The following SCLT1 variants were observed in gnomAD, a reference collection of about 807,000 sequenced individuals.
SCLT1 encodes sodium channel-associated protein 1.
In SCLT1, 78 loss-of-function variants were observed where a neutral mutation model predicts 112.8. That is an observed-to-expected ratio of 0.69 (90% confidence interval 0.58 to 0.83). SCLT1 has a LOEUF of 0.83. Among genes scored for constraint, SCLT1 ranks in the 40% least tolerant of loss-of-function variants. The pLI is 0.00. For synonymous variants in SCLT1, 257 were observed against 254.7 expected, an observed-to-expected ratio of 1.01 and a Z score of -0.09; for missense variants, 747 against 770.4, an observed-to-expected ratio of 0.97 and a Z score of 0.36.
At position 129,025,463 on chromosome 4, in the gene SCLT1, A is replaced by C. The variant is rs1342268616; in HGVS notation, c.290+13578T>G. The stretch of plus-strand genomic sequence containing the variant: ...CCAGCCAAACTAAGCTTCATAAGTG[A>C]AGGAGAAATAAAATCCTTTACAGAA... On this transcript the variant is annotated intron_variant, in intron 5 of 20. Transcript: ENST00000281142. 9.8e-5 allele frequency among the ~76,000 whole-genome samples: 15 copies of C among 152,298 alleles called. No individual in the cohort carries two copies. The East Asian group carries it at 2.9e-3, about 29-fold the overall frequency.
At chr4:129,063,802 T>C (rs571828795) in intron 2 of SCLT1, among the ~76,000 whole-genome samples, 6 of 152,300 alleles carry the variant, frequency 3.9e-5, no homozygotes, top group African/African-American at 1.4e-4. Context: ...GCCAGGCTGA[T>C]CCCATTATTC....
chr4:129,053,427 T>C (rs1208621665), intron 2 of SCLT1, among the ~76,000 whole-genome samples: 1 of 152,120 alleles, frequency 6.6e-6, no homozygotes, highest in Non-Finnish European at 1.5e-5. Context: ...ATTGGGTGTA[T>C]ATATATTTAG....
intron 8 of SCLT1, among the ~76,000 whole-genome samples, chr4:128,996,925 T>C (rs908717117): frequency 6.6e-6 from 1 of 152,006 alleles, no homozygotes; most frequent in African/African-American, 2.4e-5. Flanking sequence ...CTAGGAGACA[T>C]ATTGAAGAAG....
chr4:129,013,795 C>G (rs914596861), intron 5 of SCLT1, among the ~76,000 whole-genome samples: 1 of 152,124 alleles, frequency 6.6e-6, no homozygotes, highest in Admixed American at 6.5e-5. Flanking sequence ...TGCGGATGAT[C>G]TTCTTCTAAC....
intron 12 of SCLT1, among the ~76,000 whole-genome samples, chr4:128,958,332 G>T (rs577948418): frequency 1.3e-5 from 2 of 152,238 alleles, no homozygotes; most frequent in South Asian, 4.1e-4. Context: ...ACTATGCTAG[G>T]CTGTACTTCC....
At chr4:128,888,658 G>C (rs746284707) in intron 20 of SCLT1, 21 bp downstream of exon 20, 1 of 1,425,930 alleles carries the variant, frequency 7.0e-7, no homozygotes, top group Non-Finnish European at 9.9e-7. Flanking sequence ...TATTATCTAG[G>C]GATAAGAGGA....
At chr4:128,897,801 AG>A (rs1560814821) in intron 18 of SCLT1, among the ~76,000 whole-genome samples, 2 of 152,200 alleles carry the variant, frequency 1.3e-5, no homozygotes, top group African/African-American at 4.8e-5. Context: ...AGACACACAT[AG>A]GCTCAAAATA....
chr4:128,957,876 AC>A (rs1011645699), intron 12 of SCLT1, among the ~76,000 whole-genome samples: 1 of 152,084 alleles, frequency 6.6e-6, no homozygotes, highest in Non-Finnish European at 1.5e-5. Flanking sequence ...CACATCACAC[AC>A]AGTACCGGTT....
chr4:129,053,324 T>C (rs1413032672), intron 2 of SCLT1, among the ~76,000 whole-genome samples: 3 of 152,038 alleles, frequency 2.0e-5, no homozygotes, highest in Admixed American at 2.0e-4. Context: ...ATATTGACAG[T>C]GGGGTGTTAA....
At chr4:129,068,380 T>A (rs1328206632) in intron 2 of SCLT1, among the ~76,000 whole-genome samples, 1 of 152,160 alleles carries the variant, frequency 6.6e-6, no homozygotes, top group East Asian at 1.9e-4. Flanking sequence ...CACGCCAACA[T>A]CTACTGTTTT....
Position 128,970,404 on chromosome 4 carries a change from C to A in SCLT1, c.751G>T (p.Asp251Tyr). The A allele has an allele frequency of 6.2e-7, 1 of 1,602,566 alleles. No homozygotes were observed. The highest frequency in any genetic ancestry group is 8.5e-7 in the Non-Finnish European group (1 of 1,170,114). ...TTCTTTTTCATCTGTCCCTGCAGATCTTCAGTCACATTAGTTAACTCTTCC... is the reference window on the plus strand; with the variant it reads ...TTCTTTTTCATCTGTCCCTGCAGATATTCAGTCACATTAGTTAACTCTTCC... Reference protein sequence around the residue: ...KVEELTNVTEDLQGQMKKKEK... With the variant: ...KVEELTNVTEYLQGQMKKKEK... The change falls in exon 10 of 21, where the codon GAT becomes TAT. Residue 251 changes from aspartate (D) to tyrosine (Y), a missense_variant. Physicochemically the swap from Asp to Tyr is radical, Grantham distance 160. Coordinates refer to ENST00000281142, the MANE Select transcript of SCLT1 (RefSeq NM_144643.4).
intron 5 of SCLT1, among the ~76,000 whole-genome samples, chr4:129,008,459 G>T (rs1410216919): frequency 6.6e-6 from 1 of 152,056 alleles, no homozygotes; most frequent in Admixed American, 6.5e-5. Flanking sequence ...TGATTTTGTA[G>T]ATGTTTTTGC....
intron 2 of SCLT1, among the ~76,000 whole-genome samples, chr4:129,081,832 C>A (rs1406932370): frequency 2.0e-5 from 3 of 152,280 alleles, no homozygotes; most frequent in Non-Finnish European, 2.9e-5. Flanking sequence ...CGAGCCATTA[C>A]CTTCCTTTTA....
At chr4:129,020,659 A>G (rs1579725799) in intron 5 of SCLT1, among the ~76,000 whole-genome samples, 1 of 152,228 alleles carries the variant, frequency 6.6e-6, no homozygotes, top group Admixed American at 6.5e-5. Context: ...ACACCTGTAG[A>G]TACATTCAGG....
At chr4:129,008,649 A>T (rs1162391618) in intron 5 of SCLT1, among the ~76,000 whole-genome samples, 1 of 151,830 alleles carries the variant, frequency 6.6e-6, no homozygotes, top group Non-Finnish European at 1.5e-5. Context: ...TTCTTTTTAA[A>T]TTTTTTTGAA....
chr4:129,052,596 G>GT (rs919955037), intron 2 of SCLT1, among the ~76,000 whole-genome samples: 2 of 150,248 alleles, frequency 1.3e-5, no homozygotes, highest in African/African-American at 2.5e-5. Flanking sequence ...ATTTTTTATT[G>GT]TATCTATTTG....
chr4:129,000,073 G>C (rs1743341632), intron 6 of SCLT1, among the ~76,000 whole-genome samples: 2 of 151,856 alleles, frequency 1.3e-5, no homozygotes, highest in Admixed American at 1.3e-4. Context: ...TTTAAACCAT[G>C]TTCTTTGTTC....
intron 18 of SCLT1, among the ~76,000 whole-genome samples, chr4:128,930,465 T>C (rs1736668492): frequency 6.6e-6 from 1 of 152,206 alleles, no homozygotes; most frequent in Non-Finnish European, 1.5e-5. Context: ...ACTCATTAAA[T>C]TATAAAATAA....
chr4:129,013,291 G>T (rs1035083996), intron 5 of SCLT1, among the ~76,000 whole-genome samples: 15 of 152,246 alleles, frequency 9.9e-5, no homozygotes, highest in Middle Eastern at 3.4e-3. Context: ...CCTTTTAATT[G>T]AGGCATTTAG....
Sources: allele counts gnomAD v4.1 joint callset (sites outside exome capture counted in the v4.1 genomes callset), GRCh38; gene constraint gnomAD v4.1.1; transcripts MANE v1.5; gene names NCBI Gene and HGNC (gene_info 2026-07-23, HGNC 2026-07-21).